The following PHEX variants were observed in gnomAD, a reference collection of about 807,000 sequenced individuals.
The protein encoded by PHEX is phosphate-regulating neutral endopeptidase PHEX.
In PHEX, 16 loss-of-function variants were observed where a neutral mutation model predicts 68.0. That is an observed-to-expected ratio of 0.24 (90% CI 0.16 to 0.36). The LOEUF is 0.36. Among genes scored for constraint, PHEX ranks in the 10% least tolerant of loss-of-function variants. The pLI is 1.00. For missense variants in PHEX, 480 were observed against 575.5 expected (o/e 0.83, Z 1.70); for synonymous variants, 208 against 205.1 (o/e 1.01, Z -0.12).
chrX:22,142,202 A>C (rs1039496360), intron 12 of PHEX, among the ~76,000 whole-genome samples: 4 of 112,107 alleles, frequency 3.6e-5, no homozygotes, highest in African/African-American at 1.3e-4. Context: ...CAGTGAGCCA[A>C]GATTACGCCG....
At chrX:22,182,420 G>A (rs1602366796) in intron 14 of PHEX, among the ~76,000 whole-genome samples, 2 of 111,277 alleles carry the variant, frequency 1.8e-5, no homozygotes, top group South Asian at 3.8e-4. Flanking sequence ...TCCCCCAAGC[G>A]CAGAGGTTTT....
rs772287800 is a variant in PHEX at position 22,212,855 on chromosome X, T to C, written c.1646-49T>C. 6 of 965,440 alleles carry C rather than the reference T, an allele frequency of 6.2e-6. No homozygotes were observed. The African/African-American group carries it at 1.1e-4, about 18-fold the overall frequency. 79.6% of individuals were successfully genotyped at this position (965,440 alleles called of 1,213,427 possible). On this transcript the variant is annotated intron_variant, in intron 15 of 21. Coordinates refer to ENST00000379374, the MANE Select transcript of PHEX (RefSeq NM_000444.6). ...TGTTATAGCTAGAACCAGGTACTCA[T>C]CATTGAATCAATCTCTCTATATCTC...
At chrX:22,221,287 A>C (rs767266056) in intron 17 of PHEX, among the ~76,000 whole-genome samples, 1 of 112,400 alleles carries the variant, frequency 8.9e-6, no homozygotes, top group East Asian at 2.8e-4. Context: ...ATTTTATTTC[A>C]TAATCCAGTG....
intron 15 of PHEX, among the ~76,000 whole-genome samples, chrX:22,205,509 G>A (rs1373025780): frequency 9.0e-6 from 1 of 111,319 alleles, no homozygotes. Context: ...AAGACTGGCA[G>A]TGAAAGTTGG....
At chrX:22,145,566 A>C (rs766941400) in intron 12 of PHEX, among the ~76,000 whole-genome samples, 2 of 108,544 alleles carry the variant, frequency 1.8e-5, no homozygotes, top group East Asian at 5.8e-4. Flanking sequence ...CAGTGAGCCA[A>C]GATCATGCCA....
chrX:22,165,818 G>A (rs1460070405), intron 12 of PHEX, among the ~76,000 whole-genome samples: 4 of 111,930 alleles, frequency 3.6e-5, no homozygotes, highest in Non-Finnish European at 7.5e-5. Flanking sequence ...CTAAAGCAAG[G>A]GTTGACGAAC....
At chrX:22,213,493 C>G (rs1305107934) in intron 16 of PHEX, among the ~76,000 whole-genome samples, 1 of 111,703 alleles carries the variant, frequency 9.0e-6, no homozygotes, top group Non-Finnish European at 1.9e-5. Flanking sequence ...GTAAGATAAT[C>G]GAATTTATCT....
At position 22,250,817 on chromosome X, in the gene PHEX, A is replaced by G. The variant is rs1368717216; in HGVS notation, c.*2864A>G. On this transcript the variant is annotated 3_prime_UTR_variant, in exon 22 of 22. Coordinates refer to ENST00000379374, the MANE Select transcript of PHEX (RefSeq NM_000444.6). ...ATGGAGCTTAAAGCATAGCACATAA[A>G]TTTTATCTTATTTAGCCCTGGAGCA... is the stretch of plus-strand genomic sequence containing the variant. The G allele has an allele frequency of 4.5e-5, 5 of 111,697 alleles. No individual in the cohort carries two copies. Among genetic ancestry groups the G allele is most frequent in the African/African-American group, 1.6e-4 (5 of 30,705 alleles). The allele number at this position is 111,697 out of a possible 1,213,427, so 9.2% of individuals were successfully genotyped here. A position where few individuals can be genotyped will look rare whatever the true frequency, so the allele number is the denominator to read the frequency against.
chrX:22,037,191 G>C (rs1927067962), intron 1 of PHEX, among the ~76,000 whole-genome samples: 1 of 111,078 alleles, frequency 9.0e-6, no homozygotes. Flanking sequence ...AGGCTGTTTG[G>C]AGGATGGCAG....
chrX:22,140,676 T>C (rs772583241), intron 12 of PHEX, among the ~76,000 whole-genome samples: 1 of 109,962 alleles, frequency 9.1e-6, no homozygotes, highest in East Asian at 2.9e-4. Flanking sequence ...GAGATGGGGT[T>C]TTGCTATGTT....
chrX:22,245,220 T>C, intron 20 of PHEX, 113 bp from the exon 21 acceptor site: 1 of 595,632 alleles, frequency 1.7e-6, no homozygotes, highest in Non-Finnish European at 3.0e-6. Flanking sequence ...CTAAAACTGT[T>C]TGTCATCCAT....
At chrX:22,090,604 T>C (rs1929839185) in intron 6 of PHEX, 107 bp downstream of exon 6, 1 of 559,413 alleles carries the variant, frequency 1.8e-6, no homozygotes, top group East Asian at 3.5e-5. Context: ...GGCTATTCAA[T>C]GACCATATTC....
intron 20 of PHEX, among the ~76,000 whole-genome samples, chrX:22,241,261 G>A (rs941001557): frequency 3.6e-5 from 4 of 111,754 alleles, no homozygotes; most frequent in African/African-American, 1.3e-4. Context: ...TGAATCTCTG[G>A]GACACATTTA....
intron 14 of PHEX, among the ~76,000 whole-genome samples, chrX:22,184,354 ATGAGTTAAT>A: frequency 9.0e-6 from 1 of 110,794 alleles, no homozygotes; most frequent in African/African-American, 3.3e-5. Flanking sequence ...CTGAAAATTC[ATGAGTTAAT>A]CGAGTGGGGA....
chrX:22,123,042 T>C (rs748680405), intron 11 of PHEX, among the ~76,000 whole-genome samples: 4 of 95,277 alleles, frequency 4.2e-5, no homozygotes, highest in African/African-American at 1.7e-4. Context: ...CAGGCTGGAG[T>C]GCAGTGGTGC....
chrX:22,245,065 C>T (rs1051175578), intron 20 of PHEX, among the ~76,000 whole-genome samples: 1 of 112,123 alleles, frequency 8.9e-6, no homozygotes, highest in Non-Finnish European at 1.9e-5. Context: ...TTCCTGGGCA[C>T]ATATACGATT....
rs184887281 is a variant in PHEX, at chrX:22,045,765, G to A, written c.188-1285G>A. ...GCCAAGGCGTCTGTGGAGCCAAGTA[G>A]GCAGCCCTCTCCTTCTACACCCCAG... On this transcript the variant is annotated intron_variant, in intron 2 of 21. Transcript: ENST00000379374. Among the ~76,000 whole-genome samples, 526 of 111,955 alleles carry A rather than the reference G, an allele frequency of 4.7e-3. 2 individuals carry two copies. Among genetic ancestry groups the A allele is most frequent in the African/African-American group, 0.016 (488 of 30,832 alleles).
chrX:22,219,133 G>A, intron 17 of PHEX, 30 bp downstream of exon 17: 1 of 928,635 alleles, frequency 1.1e-6, no homozygotes, highest in South Asian at 2.0e-5. Context: ...ATAAGCTGCT[G>A]CTTTTATAAT....
chrX:22,153,350 T>C lies in PHEX; in HGVS notation c.1405-14962T>C, dbSNP rs771985105. On this transcript the variant is annotated intron_variant, in intron 12 of 21. Transcript: ENST00000379374. Reference sequence around the variant, plus strand: ...TTTAAGGAAGATGTAGCATACATTTTGGAAAACATGGTAGACATAATTCAT... The same window carrying C: ...TTTAAGGAAGATGTAGCATACATTTCGGAAAACATGGTAGACATAATTCAT... 2.7e-5 allele frequency among the ~76,000 whole-genome samples: 3 copies of C among 112,211 alleles called. No homozygotes were observed. The Admixed American group carries it at 2.8e-4, about 11-fold the overall frequency.
Sources: allele counts gnomAD v4.1 joint callset (sites outside exome capture counted in the v4.1 genomes callset), GRCh38; gene constraint gnomAD v4.1.1; transcripts MANE v1.5; gene names NCBI Gene and HGNC (gene_info 2026-07-23, HGNC 2026-07-21).